The following PSTPIP2 variants were observed in gnomAD, a reference collection of about 807,000 sequenced individuals.
PSTPIP2 encodes proline-serine-threonine phosphatase interacting protein 2.
Under a neutral mutation model 63.3 loss-of-function variants are expected in PSTPIP2, and 33 were observed. The observed-to-expected ratio is 0.52, with a 90% CI of 0.40 to 0.70. PSTPIP2 has a LOEUF of 0.70. PSTPIP2 is among the 30% of genes least tolerant of loss of function. The pLI, the probability that PSTPIP2 is intolerant of heterozygous loss-of-function variation, is 0.00. For missense variants in PSTPIP2, 312 were observed against 400.7 expected (o/e 0.78, Z 1.89); for synonymous variants, 125 against 132.7 (o/e 0.94, Z 0.40).
At chr18:46,038,209 T>A (rs1356929936) in intron 2 of PSTPIP2, among the ~76,000 whole-genome samples, 2 of 152,230 alleles carry the variant, frequency 1.3e-5, no homozygotes, top group African/African-American at 4.8e-5. Flanking sequence ...CTAGCATTTT[T>A]AAATTAAATA....
chr18:45,996,029 T>C (rs897526275), intron 9 of PSTPIP2, among the ~76,000 whole-genome samples: 1 of 152,222 alleles, frequency 6.6e-6, no homozygotes, highest in Admixed American at 6.5e-5. Flanking sequence ...TTGTCCAGAC[T>C]GGTCTTGAAC....
chr18:45,987,225 T>C (rs1361217035), intron 14 of PSTPIP2, among the ~76,000 whole-genome samples: 2 of 152,236 alleles, frequency 1.3e-5, no homozygotes, highest in Admixed American at 1.3e-4. Context: ...TAGGTGTTTT[T>C]AGAGGACTGG....
At chr18:46,053,838 T>C (rs1908661315) in intron 1 of PSTPIP2, among the ~76,000 whole-genome samples, 1 of 152,120 alleles carries the variant, frequency 6.6e-6, no homozygotes. Context: ...CTTAAATGCA[T>C]AGCGCTAAGT....
At chr18:46,051,962 G>A (rs1908596967) in intron 1 of PSTPIP2, among the ~76,000 whole-genome samples, 1 of 152,182 alleles carries the variant, frequency 6.6e-6, no homozygotes. Flanking sequence ...CAGACCCCAC[G>A]GGTCTCCTCC....
intron 2 of PSTPIP2, among the ~76,000 whole-genome samples, chr18:46,036,871 C>T (rs1192776867): frequency 6.6e-6 from 1 of 152,090 alleles, no homozygotes; most frequent in African/African-American, 2.4e-5. Context: ...TCAAGAGGCC[C>T]ATGGTAGGAC....
intron 7 of PSTPIP2, 131 bp from the exon 8 acceptor site, chr18:45,998,970 T>C (rs1171455466): frequency 7.9e-6 from 7 of 886,332 alleles, no homozygotes; most frequent in Non-Finnish European, 1.1e-5. Flanking sequence ...TGTGTACATT[T>C]CCCTCATGAG....
intron 1 of PSTPIP2, among the ~76,000 whole-genome samples, chr18:46,060,313 A>T (rs1908944402): frequency 6.6e-6 from 1 of 152,228 alleles, no homozygotes; most frequent in Non-Finnish European, 1.5e-5. Flanking sequence ...CTAAATTTTT[A>T]AAAATTAATT....
chr18:46,023,565 G>A (rs58563731), intron 3 of PSTPIP2, among the ~76,000 whole-genome samples: 39,913 of 151,588 alleles, frequency 0.26, 6,464 homozygotes, highest in African/African-American at 0.43. Flanking sequence ...TTCTCAAAAA[G>A]AAAAGTTTTT....
chr18:46,033,353 C>T (rs1291671013), intron 2 of PSTPIP2, among the ~76,000 whole-genome samples: 1 of 152,168 alleles, frequency 6.6e-6, no homozygotes, highest in Non-Finnish European at 1.5e-5. Flanking sequence ...GAGATAAGGT[C>T]ATACTGGAGT....
intron 3 of PSTPIP2, among the ~76,000 whole-genome samples, chr18:46,020,980 G>T (rs1028062075): frequency 4.3e-4 from 66 of 152,188 alleles, no homozygotes; most frequent in Non-Finnish European, 1.0e-4. Context: ...AGAGAATACG[G>T]CCATTTTCCA....
chr18:45,988,233 A>G (rs2051486953), intron 14 of PSTPIP2, among the ~76,000 whole-genome samples: 1 of 152,086 alleles, frequency 6.6e-6, no homozygotes, highest in African/African-American at 2.4e-5. Context: ...GGAGTTCAAC[A>G]TCAGCCTGGC....
chr18:46,072,069 C>A, intron 1 of PSTPIP2, 87 bp downstream of exon 1: 1 of 1,461,046 alleles, frequency 6.8e-7, no homozygotes, highest in Non-Finnish European at 9.1e-7. Context: ...GGCGCCGGAG[C>A]TGGGGAGCCC....
At chr18:46,071,793 G>A (rs1909401955) in intron 1 of PSTPIP2, among the ~76,000 whole-genome samples, 1 of 152,236 alleles carries the variant, frequency 6.6e-6, no homozygotes, top group Non-Finnish European at 1.5e-5. Context: ...TGCTTCGCCT[G>A]TGAGAGGAGG....
chr18:46,006,779 G>A (rs2051733839), intron 5 of PSTPIP2, among the ~76,000 whole-genome samples: 1 of 152,160 alleles, frequency 6.6e-6, no homozygotes, highest in Non-Finnish European at 1.5e-5. Context: ...AAATAATGGT[G>A]TTAATAATAA....
chr18:46,016,606 G>C (rs192649198), intron 3 of PSTPIP2, among the ~76,000 whole-genome samples: 5 of 152,118 alleles, frequency 3.3e-5, no homozygotes, highest in Non-Finnish European at 7.3e-5. Flanking sequence ...TAAACAAATC[G>C]TATCCATTTT....
chr18:46,010,822 T>C (rs904596153), intron 5 of PSTPIP2: 1 of 196,114 alleles, frequency 5.1e-6, no homozygotes, highest in African/African-American at 2.3e-5. Flanking sequence ...CTTCCCCTAT[T>C]GCCTTGTCCA....
chr18:46,041,113 G>A, intron 1 of PSTPIP2: 1 of 453,722 alleles, frequency 2.2e-6, no homozygotes, highest in African/African-American at 2.0e-5. Flanking sequence ...AAGACAAGCA[G>A]CTCTGAGCCA....
chr18:46,054,897 T>C (rs1222331828), intron 1 of PSTPIP2, among the ~76,000 whole-genome samples: 1 of 151,990 alleles, frequency 6.6e-6, no homozygotes, highest in Admixed American at 6.6e-5. Context: ...GACCTCGTTA[T>C]CCACCCGCCT....
intron 2 of PSTPIP2, chr18:46,029,124 G>A: frequency 1.3e-5 from 11 of 834,266 alleles, no homozygotes; most frequent in African/African-American, 3.3e-5. Flanking sequence ...TAGTGCTAAT[G>A]GGGAAGAAGT....
Sources: gnomAD v4.1 joint callset for allele counts (sites outside exome capture counted in the v4.1 genomes callset) on GRCh38, gnomAD v4.1.1 for gene constraint, MANE v1.5 for transcripts, NCBI Gene and HGNC (gene_info 2026-07-23, HGNC 2026-07-21) for gene names.